Variants in UGT1A3 observed in about 807,000 individuals in gnomAD.
UGT1A3 encodes UDP-glucuronosyltransferase 1A3.
Under a neutral mutation model 41.0 loss-of-function variants are expected in UGT1A3, and 31 were observed. That is an observed-to-expected ratio of 0.76 (90% confidence interval 0.57 to 1.02). The LOEUF (loss-of-function observed/expected upper bound fraction) is 1.02, where lower values mean the gene tolerates loss of function less well. UGT1A3 is among the 50% of genes least tolerant of loss of function. UGT1A3 has a pLI of 0.00. For missense variants in UGT1A3, 737 were observed against 671.0 expected (o/e 1.10, Z -1.09); for synonymous variants, 262 against 257.6 (o/e 1.02, Z -0.17).
chr2:233,744,974 C>T (rs1446449011), intron 1 of UGT1A3, among the ~76,000 whole-genome samples: 1 of 151,828 alleles, frequency 6.6e-6, no homozygotes. Flanking sequence ...CTTCTTTAAG[C>T]CTCTAGTCAT....
At chr2:233,734,048 T>C (rs547388406) in intron 1 of UGT1A3, among the ~76,000 whole-genome samples, 1 of 152,234 alleles carries the variant, frequency 6.6e-6, no homozygotes, top group East Asian at 1.9e-4. Flanking sequence ...ATGGCACATG[T>C]ATACATATGT....
intron 1 of UGT1A3, chr2:233,743,987 G>A (rs576123874): frequency 1.6e-6 from 2 of 1,278,832 alleles, no homozygotes; most frequent in East Asian, 4.9e-5. Flanking sequence ...CCAGGCGCAG[G>A]CCCGAGTGCT....
chr2:233,744,980 G>A (rs1692979759), intron 1 of UGT1A3, among the ~76,000 whole-genome samples: 1 of 151,830 alleles, frequency 6.6e-6, no homozygotes, highest in Non-Finnish European at 1.5e-5. Context: ...TAAGCCTCTA[G>A]TCATCTCTTG....
At chr2:233,734,786 A>T (rs2078566040) in intron 1 of UGT1A3, among the ~76,000 whole-genome samples, 1 of 152,216 alleles carries the variant, frequency 6.6e-6, no homozygotes, top group Non-Finnish European at 1.5e-5. Context: ...GTAGTCATTC[A>T]GGAGCAGGTT....
intron 1 of UGT1A3, chr2:233,740,831 T>A (rs1418284400): frequency 1.3e-5 from 2 of 151,936 alleles, no homozygotes; most frequent in East Asian, 3.8e-4. Flanking sequence ...GCTGAGACAT[T>A]TTAAAAGGAG....
chr2:233,749,872 A>G (rs1694289871), intron 1 of UGT1A3, among the ~76,000 whole-genome samples: 1 of 151,942 alleles, frequency 6.6e-6, no homozygotes, highest in South Asian at 2.1e-4. Context: ...TGCCAGGATT[A>G]TAAGTTTCCT....
intron 1 of UGT1A3, chr2:233,760,101 A>G (rs1697321956): frequency 2.6e-6 from 3 of 1,137,760 alleles, no homozygotes; most frequent in Admixed American, 5.6e-5. Context: ...GTTGTTGCCT[A>G]TTAAGAAACC....
At chr2:233,732,882 T>A (rs2078332134) in intron 1 of UGT1A3, among the ~76,000 whole-genome samples, 1 of 152,004 alleles carries the variant, frequency 6.6e-6, no homozygotes, top group African/African-American at 2.4e-5. Context: ...TGGCATTGAA[T>A]CTATAAATTA....
At position 233,729,401 on chromosome 2, in the gene UGT1A3, A is replaced by T. The variant is rs1464724125; in HGVS notation, c.275A>T (p.His92Leu). Reference sequence around the variant, plus strand: ...TGGACCCAGGATGAATTTGATCGCCATGTGCTGGGCCACACTCAACTGTAC... The same window carrying T: ...TGGACCCAGGATGAATTTGATCGCCTTGTGCTGGGCCACACTCAACTGTAC... ...ISWTQDEFDR[H>L]VLGHTQLYFE... is the part of the protein sequence containing the mutation. Residue 92 changes from histidine to leucine, a missense_variant, in exon 1 of 5, where the codon CAT becomes CTT. His to Leu is a moderately conservative substitution (Grantham distance 99, BLOSUM62 -3). Coordinates refer to ENST00000482026, the MANE Select transcript of UGT1A3 (RefSeq NM_019093.4). 4.3e-6 allele frequency: 7 copies of T among 1,613,850 alleles called. No individual in the cohort carries two copies. Among genetic ancestry groups the T allele is most frequent in the East Asian group, 2.2e-5 (1 of 44,882 alleles).
In UGT1A3 at chr2:233,729,479, A is replaced by G; in HGVS notation, c.353A>G (p.Asn118Ser). 1.2e-6 allele frequency: 2 copies of G among 1,614,240 alleles called. No homozygotes were observed. The highest frequency in any genetic ancestry group is 1.7e-6 in the Non-Finnish European group (2 of 1,180,044). ...KKFFRSMAML[N>S]NMSLVYHRSC... ...TTTTTCAGAAGTATGGCAATGTTGA[A>G]CAATATGTCTTTGGTCTATCATAGG... Residue 118 changes from asparagine to serine, a missense_variant, in exon 1 of 5, where the codon AAC becomes AGC. Asn to Ser is a conservative substitution (Grantham distance 46, BLOSUM62 1). Coordinates refer to ENST00000482026, the MANE Select transcript of UGT1A3 (RefSeq NM_019093.4).
Position 233,729,540 on chromosome 2 carries a change from C to A in UGT1A3, c.414C>A (p.Ile138=). 6.2e-7 allele frequency: 1 copy of A among 1,614,202 alleles called. No individual in the cohort carries two copies. Among genetic ancestry groups the A allele is most frequent in the Middle Eastern group, 1.6e-4 (1 of 6,062 alleles). The change falls in exon 1 of 5, where the codon ATC becomes ATA. Residue 138 remains isoleucine, a synonymous_variant. Coordinates refer to ENST00000482026, the MANE Select transcript of UGT1A3 (RefSeq NM_019093.4). ...CVELLHNEAL[I]RHLNATSFDV... ...AGCTACTACATAATGAGGCCCTGAT[C>A]AGGCACCTGAATGCTACTTCCTTTG...
rs751560477 is a variant in UGT1A3 at position 233,754,882 on chromosome 2, G to T, written c.868-12152G>T. 3 of 1,352,084 alleles carry T rather than the reference G, an allele frequency of 2.2e-6. No homozygotes were observed. The African/African-American group carries it at 4.4e-5, about 20-fold the overall frequency. The allele number at this position is 1,352,084 out of a possible 1,614,324, so 83.8% of individuals were successfully genotyped here. On this transcript the variant is annotated intron_variant, in intron 1 of 4. Transcript: ENST00000482026. ...GCAGACCCTCTGCTTCTGCTTCCCA[G>T]GGAGTTCCTCTGACCCCCCAAAATA...
intron 1 of UGT1A3, among the ~76,000 whole-genome samples, chr2:233,757,535 A>AATATATATACATATATATATATATAT (rs376887521): frequency 5.7e-5 from 5 of 88,270 alleles, no homozygotes; most frequent in Admixed American, 1.1e-4. Flanking sequence ...GCCTGTAAGG[A>AATATATATACATATATATATATATAT]ATATATATAT....
intron 1 of UGT1A3, among the ~76,000 whole-genome samples, chr2:233,763,434 A>G (rs1698313182): frequency 1.3e-5 from 2 of 152,346 alleles, no homozygotes; most frequent in Middle Eastern, 3.4e-3. Context: ...AGTTGCTTTA[A>G]TAAGTGCATT....
chr2:233,760,861 T>A, intron 1 of UGT1A3: 1 of 1,614,158 alleles, frequency 6.2e-7, no homozygotes, highest in Non-Finnish European at 8.5e-7. Flanking sequence ...CCCATTCTCC[T>A]ACGTGCCCAG....
At position 233,732,107 on chromosome 2, in the gene UGT1A3, C is replaced by A. The variant is rs564332248; in HGVS notation, c.867+2114C>A. Among the ~76,000 whole-genome samples the A allele has an allele frequency of 2.0e-5, 3 of 151,486 alleles. No individual in the cohort carries two copies. In the East Asian group the frequency reaches 5.8e-4, roughly 29 times the overall value. On this transcript the variant is annotated intron_variant, in intron 1 of 4. Coordinates refer to ENST00000482026, the MANE Select transcript of UGT1A3 (RefSeq NM_019093.4). The stretch of plus-strand genomic sequence containing the variant: ...TCTTTTGAGAAGTGTCTGTTCATAT[C>A]CTTTGCCCACTTTTTGATGAGGTTG...
At chr2:233,741,895 C>T (rs1371352009) in intron 1 of UGT1A3, 1 of 151,808 alleles carries the variant, frequency 6.6e-6, no homozygotes, top group African/African-American at 2.4e-5. Flanking sequence ...GAAGAAGGGA[C>T]CCTTTGTGAT....
Position 233,729,291 on chromosome 2 carries a change from C to A in UGT1A3, c.165C>A (p.Gly55=), listed in dbSNP as rs370316255. The A allele has an allele frequency of 1.9e-5, 30 of 1,614,090 alleles. No homozygotes were observed. The highest frequency in any genetic ancestry group is 2.7e-5 in the African/African-American group (2 of 74,926). ...REVLRELHAR[G]HQAVVLTPEV... ...TCTTGCGGGAGCTCCATGCCAGAGG[C>A]CACCAGGCAGTGGTCCTCACCCCAG... Residue 55 remains glycine (G), a synonymous_variant, in exon 1 of 5, where the codon GGC becomes GGA. Transcript: ENST00000482026.
intron 1 of UGT1A3, among the ~76,000 whole-genome samples, chr2:233,752,077 C>T (rs1281273194): frequency 6.6e-6 from 1 of 152,216 alleles, no homozygotes; most frequent in Non-Finnish European, 1.5e-5. Context: ...GGAAGTCTCT[C>T]TACCTGTTTG....
Sources: gnomAD v4.1 joint callset for allele counts (sites outside exome capture counted in the v4.1 genomes callset) on GRCh38, gnomAD v4.1.1 for gene constraint, MANE v1.5 for transcripts, NCBI Gene and HGNC (gene_info 2026-07-23, HGNC 2026-07-21) for gene names.